The following MOB1B variants were observed in gnomAD, a reference collection of about 807,000 sequenced individuals.
MOB1B encodes the protein MOB kinase activator 1B, also known as MOB1 Mps One Binder homolog B.
Under a neutral mutation model 24.4 loss-of-function variants are expected in MOB1B, and 19 were observed. That is an observed-to-expected ratio of 0.78 (90% CI 0.54 to 1.14). The LOEUF (loss-of-function observed/expected upper bound fraction) is 1.14, where lower values mean the gene tolerates loss of function less well. Ranked by LOEUF, MOB1B falls within the 50% of genes most tolerant of loss-of-function variation. The pLI, the probability that MOB1B is intolerant of heterozygous loss-of-function variation, is 0.00. For missense variants in MOB1B, 243 were observed against 259.6 expected (o/e 0.94, Z 0.44); for synonymous variants, 76 against 82.1 (o/e 0.93, Z 0.40).
intron 1 of MOB1B, among the ~76,000 whole-genome samples, chr4:70,953,946 A>G (rs552665951): frequency 1.3e-5 from 2 of 152,244 alleles, no homozygotes; most frequent in South Asian, 4.1e-4. Context: ...TCTGTCTTAA[A>G]AAAGAAAATA....
intron 1 of MOB1B, among the ~76,000 whole-genome samples, chr4:70,954,216 A>G (rs1193905398): frequency 6.6e-6 from 1 of 152,128 alleles, no homozygotes; most frequent in Non-Finnish European, 1.5e-5. Flanking sequence ...TCTTTCTATG[A>G]GTCATTGTGG....
intron 1 of MOB1B, among the ~76,000 whole-genome samples, chr4:70,903,808 A>G (rs866117609): frequency 2.6e-5 from 4 of 152,058 alleles, no homozygotes; most frequent in Middle Eastern, 6.8e-3. Flanking sequence ...GATATTTCCA[A>G]TATGCATAGG....
At chr4:70,970,629 A>G (rs1738715562) in intron 3 of MOB1B, among the ~76,000 whole-genome samples, 2 of 152,176 alleles carry the variant, frequency 1.3e-5, no homozygotes, top group African/African-American at 4.8e-5. Context: ...TATTACTTCT[A>G]CTAATAATAG....
At chr4:70,907,160 T>C (rs993879879) in intron 1 of MOB1B, among the ~76,000 whole-genome samples, 1 of 152,192 alleles carries the variant, frequency 6.6e-6, no homozygotes, top group Non-Finnish European at 1.5e-5. Flanking sequence ...CAGGGGTCTA[T>C]TAGTAACATG....
intron 1 of MOB1B, among the ~76,000 whole-genome samples, chr4:70,917,917 T>A (rs1276204563): frequency 6.6e-6 from 1 of 150,624 alleles, no homozygotes; most frequent in South Asian, 2.1e-4. Context: ...AGTATTTTCT[T>A]GATATTTAAT....
chr4:70,976,445 G>C (rs1283198697), intron 4 of MOB1B: 1 of 985,168 alleles, frequency 1.0e-6, no homozygotes, highest in East Asian at 1.1e-4. Context: ...AGGGGTTGCT[G>C]TATCATCGGC....
At chr4:70,980,419 T>TA (rs1213167202) in intron 5 of MOB1B, among the ~76,000 whole-genome samples, 2 of 152,202 alleles carry the variant, frequency 1.3e-5, no homozygotes, top group East Asian at 1.9e-4. Flanking sequence ...TCAGTGATCT[T>TA]ACACTGTGTT....
chr4:70,963,840 C>CA (rs765584161), intron 2 of MOB1B, among the ~76,000 whole-genome samples: 10 of 151,130 alleles, frequency 6.6e-5, no homozygotes, highest in South Asian at 6.3e-4. Flanking sequence ...AAAAACAAAA[C>CA]AAAAAAAACC....
chr4:70,922,996 C>T (rs1173383354), intron 1 of MOB1B, among the ~76,000 whole-genome samples: 1 of 152,114 alleles, frequency 6.6e-6, no homozygotes, highest in Non-Finnish European at 1.5e-5. Flanking sequence ...AAAGCAGTCT[C>T]CATGGCAGTT....
chr4:70,906,720 T>C (rs1304756103), intron 1 of MOB1B, among the ~76,000 whole-genome samples: 1 of 152,158 alleles, frequency 6.6e-6, no homozygotes, highest in Non-Finnish European at 1.5e-5. Flanking sequence ...AGAGCTTTGG[T>C]TGTGCCGCAG....
upstream of MOB1B, chr4:70,902,278 C>G: frequency 5.1e-6 from 3 of 584,138 alleles, no homozygotes; most frequent in Non-Finnish European, 9.2e-6. Context: ...TGGGGAGGGG[C>G]TCGCGGAGAG....
intron 1 of MOB1B, among the ~76,000 whole-genome samples, chr4:70,918,820 C>CA (rs1337885902): frequency 6.6e-6 from 1 of 152,096 alleles, no homozygotes; most frequent in African/African-American, 2.4e-5. Context: ...TTTTTATACC[C>CA]AAAGGACTAT....
At chr4:70,905,097 A>G (rs1171443534) in intron 1 of MOB1B, among the ~76,000 whole-genome samples, 1 of 152,224 alleles carries the variant, frequency 6.6e-6, no homozygotes, top group African/African-American at 2.4e-5. Flanking sequence ...AGTTAATTCA[A>G]CATTTTCAGT....
At chr4:70,941,932 TAAACCTCTTGA>T (rs1282206028) in intron 1 of MOB1B, among the ~76,000 whole-genome samples, 6 of 152,208 alleles carry the variant, frequency 3.9e-5, no homozygotes, top group Non-Finnish European at 7.3e-5. Flanking sequence ...CTAAATTTCT[TAAACCTCTTGA>T]TTAGAATGTT....
intron 1 of MOB1B, among the ~76,000 whole-genome samples, chr4:70,914,839 G>T (rs1273328938): frequency 2.6e-5 from 4 of 152,156 alleles, no homozygotes; most frequent in Non-Finnish European, 5.9e-5. Context: ...TACAGTCGCG[G>T]TTACTGCCCC....
chr4:70,968,514 T>C (rs1738628741), intron 2 of MOB1B, among the ~76,000 whole-genome samples: 1 of 152,112 alleles, frequency 6.6e-6, no homozygotes, highest in African/African-American at 2.4e-5. Flanking sequence ...TTTCTCTATG[T>C]TGATCATGGC....
intron 1 of MOB1B, among the ~76,000 whole-genome samples, chr4:70,928,872 G>T (rs897198372): frequency 5.3e-5 from 8 of 152,078 alleles, no homozygotes; most frequent in African/African-American, 1.9e-4. Context: ...ACTGGCGTGA[G>T]CCCCTGCACT....
chr4:70,962,643 G>C (rs1325168349), intron 2 of MOB1B, among the ~76,000 whole-genome samples: 2 of 151,924 alleles, frequency 1.3e-5, no homozygotes, highest in Non-Finnish European at 2.9e-5. Context: ...TTGGTGATGA[G>C]TTTCTACATA....
At chr4:70,926,171 A>G (rs1264386268) in intron 1 of MOB1B, among the ~76,000 whole-genome samples, 3 of 151,808 alleles carry the variant, frequency 2.0e-5, no homozygotes, top group Admixed American at 2.0e-4. Context: ...TCTTTTGTAG[A>G]GACAGGGTTT....
Sources: allele counts gnomAD v4.1 joint callset (sites outside exome capture counted in the v4.1 genomes callset), GRCh38; gene constraint gnomAD v4.1.1; transcripts MANE v1.5; gene names NCBI Gene and HGNC (gene_info 2026-07-23, HGNC 2026-07-21).